CALCR: variants seen among roughly 807,000 people sequenced by gnomAD.
The protein encoded by CALCR is calcitonin receptor.
CALCR carries 47 observed loss-of-function variants against 59.5 expected under a neutral mutation model. The observed-to-expected ratio is 0.79, with a 90% CI of 0.63 to 1.01. CALCR has a LOEUF of 1.01. CALCR is among the 50% of genes least tolerant of loss of function. CALCR has a pLI of 0.00. For missense variants in CALCR, 566 were observed against 597.1 expected, an observed-to-expected ratio of 0.95 and a Z score of 0.54; for synonymous variants, 213 against 211.3, an observed-to-expected ratio of 1.01 and a Z score of -0.07.
Position 93,435,989 on chromosome 7 carries a change from A to T in CALCR, c.1112T>A (p.Ile371Lys). The T allele has an allele frequency of 6.2e-7, 1 of 1,613,426 alleles. No homozygotes were observed. The highest frequency in any genetic ancestry group is 8.5e-7 in the Non-Finnish European group (1 of 1,179,424). The change falls in exon 12 of 14, where the codon ATA becomes AAA. Residue 371 changes from isoleucine (I) to lysine (K), a missense_variant. Physicochemically the swap from Ile to Lys is moderately radical, Grantham distance 102. Coordinates refer to ENST00000426151, the MANE Select transcript of CALCR (RefSeq NM_001742.4). ...CAGAGAGTGCATCACGTAATCATAT[A>T]TCTTCCCAAGCATCTTGTTGGAAGG... ...WRPSNKMLGK[I>K]YDYVMHSLIH... is the part of the protein sequence containing the mutation.
At chr7:93,441,399 G>A in intron 9 of CALCR, 1 of 376,858 alleles carries the variant, frequency 2.7e-6, no homozygotes, top group South Asian at 2.0e-5. Flanking sequence ...TATTATGATT[G>A]TGATGATCAG....
intron 2 of CALCR, among the ~76,000 whole-genome samples, chr7:93,558,694 T>C (rs1789668071): frequency 6.6e-6 from 1 of 152,094 alleles, no homozygotes; most frequent in Non-Finnish European, 1.5e-5. Context: ...AAGAAATTAC[T>C]GGAAGAAAAG....
intron 3 of CALCR, among the ~76,000 whole-genome samples, chr7:93,485,978 A>AT (rs914142153): frequency 1.3e-5 from 2 of 151,582 alleles, no homozygotes; most frequent in African/African-American, 2.4e-5. Flanking sequence ...TACTAGCAAT[A>AT]TTTTTTTCTT....
intron 2 of CALCR, among the ~76,000 whole-genome samples, chr7:93,524,297 G>C (rs1033534918): frequency 6.6e-6 from 1 of 151,416 alleles, no homozygotes; most frequent in Non-Finnish European, 1.5e-5. Context: ...AGCCTCCCGA[G>C]TAGCTGGGAC....
chr7:93,527,705 T>C (rs1157551215), intron 2 of CALCR, among the ~76,000 whole-genome samples: 1 of 152,164 alleles, frequency 6.6e-6, no homozygotes, highest in Non-Finnish European at 1.5e-5. Context: ...TATAAGCTTC[T>C]AAGACAAAAC....
intron 2 of CALCR, among the ~76,000 whole-genome samples, chr7:93,566,934 TGTTTA>T (rs1218441886): frequency 1.3e-5 from 2 of 152,042 alleles, no homozygotes; most frequent in African/African-American, 4.8e-5. Flanking sequence ...GAAGGAAAAA[TGTTTA>T]GTTTAGTTTT....
intron 7 of CALCR, among the ~76,000 whole-genome samples, chr7:93,467,140 T>C (rs1393435024): frequency 1.3e-5 from 2 of 151,828 alleles, no homozygotes; most frequent in African/African-American, 4.8e-5. Context: ...GATGTGTTTA[T>C]TTACCATAAT....
chr7:93,565,980 T>C (rs1031571005), intron 2 of CALCR, among the ~76,000 whole-genome samples: 3 of 152,166 alleles, frequency 2.0e-5, no homozygotes, highest in African/African-American at 4.8e-5. Context: ...TTTTCCTTTC[T>C]TTTTCCCTTG....
chr7:93,439,722 G>C (rs1348033120), intron 9 of CALCR, among the ~76,000 whole-genome samples: 1 of 151,920 alleles, frequency 6.6e-6, no homozygotes, highest in African/African-American at 2.4e-5. Context: ...TTTTTTAAGA[G>C]GGATTTAATA....
rs916775360 is a variant in CALCR, at chr7:93,478,728, G to A, written c.205+626C>T. 2.6e-5 allele frequency among the ~76,000 whole-genome samples: 4 copies of A among 151,452 alleles called. No homozygotes were observed. The East Asian group carries it at 5.9e-4, about 22-fold the overall frequency. ...AAGTAGGAGAATTTAAAGGGATGTT[G>A]CAATGAGCTTGCCCATCACATCTCC... On this transcript the variant is annotated intron_variant, in intron 4 of 13. Transcript: ENST00000426151.
chr7:93,478,334 G>A (rs73711221), intron 4 of CALCR, among the ~76,000 whole-genome samples: 4,221 of 151,892 alleles, frequency 0.028, 222 homozygotes, highest in African/African-American at 0.096. Flanking sequence ...TGAACTATTT[G>A]AAAGCAAAGA....
intron 4 of CALCR, among the ~76,000 whole-genome samples, chr7:93,479,005 C>T (rs1394162345): frequency 6.6e-6 from 1 of 151,806 alleles, no homozygotes; most frequent in African/African-American, 2.4e-5. Flanking sequence ...TGATAGGGTC[C>T]ACCTCAGGCA....
intron 2 of CALCR, among the ~76,000 whole-genome samples, chr7:93,564,018 T>C (rs1563022380): frequency 6.6e-6 from 1 of 152,226 alleles, no homozygotes; most frequent in Non-Finnish European, 1.5e-5. Flanking sequence ...TTACCATTAT[T>C]GTTATTATTG....
intron 8 of CALCR, among the ~76,000 whole-genome samples, chr7:93,460,554 TAAAAAAAA>T (rs71537257): frequency 1.1e-4 from 9 of 79,338 alleles, no homozygotes; most frequent in African/African-American, 6.4e-4. Flanking sequence ...AGACTCTATC[TAAAAAAAA>T]AAAAAAAAAA....
chr7:93,470,634 C>T (rs1800531184), intron 6 of CALCR, among the ~76,000 whole-genome samples: 1 of 151,350 alleles, frequency 6.6e-6, no homozygotes, highest in Non-Finnish European at 1.5e-5. Flanking sequence ...ATCCTTGTGT[C>T]ATTCTCAAGG....
intron 13 of CALCR, among the ~76,000 whole-genome samples, chr7:93,428,867 A>C (rs940280944): frequency 6.6e-6 from 1 of 152,142 alleles, no homozygotes; most frequent in African/African-American, 2.4e-5. Context: ...CTTGTAGCTG[A>C]AACTTACACA....
Position 93,472,507 on chromosome 7 carries a change from G to A in CALCR, c.317-20C>T. The A allele has an allele frequency of 7.6e-7, 1 of 1,314,600 alleles. No homozygotes were observed. Among genetic ancestry groups the A allele is most frequent in the Non-Finnish European group, 1.1e-6 (1 of 913,618 alleles). 81.4% of individuals were successfully genotyped at this position (1,314,600 alleles called of 1,614,324 possible). The stretch of plus-strand genomic sequence containing the variant: ...CCTTTTCTGTTAATGAAACATAACA[G>A]TTATTGCATTAATATCTCAAAATCC... On this transcript the variant is annotated intron_variant, in intron 5 of 13. Coordinates refer to ENST00000426151, the MANE Select transcript of CALCR (RefSeq NM_001742.4).
At chr7:93,486,856 A>T in intron 3 of CALCR, 75 bp downstream of exon 3, 1 of 931,932 alleles carries the variant, frequency 1.1e-6, no homozygotes. Context: ...AATACTAATT[A>T]AATCACACTC....
intron 4 of CALCR, among the ~76,000 whole-genome samples, chr7:93,478,771 G>A: frequency 6.6e-6 from 1 of 151,446 alleles, no homozygotes; most frequent in East Asian, 2.0e-4. Context: ...TTTTTCTATG[G>A]GTCCTCTACA....
Sources: allele counts gnomAD v4.1 joint callset (sites outside exome capture counted in the v4.1 genomes callset), GRCh38; gene constraint gnomAD v4.1.1; transcripts MANE v1.5; gene names NCBI Gene and HGNC (gene_info 2026-07-23, HGNC 2026-07-21).